Variants in FRRS1 observed in about 807,000 individuals in gnomAD.
FRRS1 encodes the protein ferric reductase 1.
Under a neutral mutation model 70.7 loss-of-function variants are expected in FRRS1, and 51 were observed. The observed-to-expected ratio is 0.72, with a 90% CI of 0.58 to 0.91. The LOEUF is 0.91. FRRS1 is among the 40% of genes least tolerant of loss of function. FRRS1 has a pLI of 0.00. For synonymous variants in FRRS1, 225 were observed against 238.7 expected, an observed-to-expected ratio of 0.94 and a Z score of 0.53; for missense variants, 672 against 726.0, an observed-to-expected ratio of 0.93 and a Z score of 0.86.
chr1:99,725,747 T>C (rs1330432306), intron 9 of FRRS1, among the ~76,000 whole-genome samples: 2 of 152,184 alleles, frequency 1.3e-5, no homozygotes, highest in Non-Finnish European at 2.9e-5. Flanking sequence ...GTTAGAACTA[T>C]CACTTAAAAG....
At chr1:99,731,768 C>T (rs982249145) in intron 7 of FRRS1, among the ~76,000 whole-genome samples, 4 of 152,190 alleles carry the variant, frequency 2.6e-5, no homozygotes, top group African/African-American at 4.8e-5. Flanking sequence ...ATATTGCCCA[C>T]GAACTCTAAA....
chr1:99,747,418 C>T lies in FRRS1; in HGVS notation c.209G>A (p.Gly70Glu), dbSNP rs1051912429. The T allele has an allele frequency of 1.2e-6, 2 of 1,609,372 alleles. No individual in the cohort carries two copies. Among genetic ancestry groups the T allele is most frequent in the Non-Finnish European group, 1.7e-6 (2 of 1,178,752 alleles). ...PGDQIEVTLS[G>E]HPFKGFLLEA... ...TAGGAGAAAGCCTTTAAATGGATGCCCTGACAAAGTAACTGAGAAAAAGAC... is the reference window on the plus strand; with the variant it reads ...TAGGAGAAAGCCTTTAAATGGATGCTCTGACAAAGTAACTGAGAAAAAGAC... Residue 70 changes from glycine to glutamate, a missense_variant, in exon 4 of 17, where the codon GGG (glycine) becomes GAG (glutamate). Transcript: ENST00000646001.
At chr1:99,749,245 C>G (rs1656453184) in intron 1 of FRRS1, among the ~76,000 whole-genome samples, 1 of 152,092 alleles carries the variant, frequency 6.6e-6, no homozygotes, top group Admixed American at 6.5e-5. Context: ...AGGCTGGTCT[C>G]GAACTCCTGA....
At position 99,751,948 on chromosome 1, in the gene FRRS1, A is replaced by T. The variant is rs187579312; in HGVS notation, c.-105-2947T>A. ...TATGTTTATATATGCTTACTTTCGT[A>T]TGCTTCTATATCAGCAAAATAAATG... On this transcript the variant is annotated intron_variant, in intron 1 of 16. Transcript: ENST00000646001. Among the ~76,000 whole-genome samples the T allele has an allele frequency of 1.6e-3, 241 of 152,332 alleles. 1 individual carries two copies. Among genetic ancestry groups the T allele is most frequent in the African/African-American group, 5.6e-3 (234 of 41,576 alleles).
In FRRS1 at chr1:99,719,581, GGA is replaced by G; in HGVS notation, c.1071_1072del (p.Pro358LysfsTer28). On this transcript the variant is annotated frameshift_variant, in exon 10 of 17. Transcript: ENST00000646001. LOFTEE classifies it high-confidence loss of function. ...AGAATGGGATCCTCCTATGTTCTTT[GGA>G]GAGTCTGTCACATCATATTTTTCAT... The G allele has an allele frequency of 1.2e-6, 2 of 1,611,260 alleles. No individual in the cohort carries two copies. Among genetic ancestry groups the G allele is most frequent in the African/African-American group, 2.7e-5 (2 of 74,952 alleles).
chr1:99,715,966 G>A (rs1654504450), intron 11 of FRRS1, among the ~76,000 whole-genome samples: 1 of 152,170 alleles, frequency 6.6e-6, no homozygotes, highest in Non-Finnish European at 1.5e-5. Flanking sequence ...ATATTTACTT[G>A]CCAAGTCCTT....
At chr1:99,736,049 A>G (rs1655641639) in intron 7 of FRRS1, among the ~76,000 whole-genome samples, 1 of 152,142 alleles carries the variant, frequency 6.6e-6, no homozygotes, top group Non-Finnish European at 1.5e-5. Flanking sequence ...TTTTGGACTC[A>G]TTTTCAGAAT....
At position 99,709,402 on chromosome 1, in the gene FRRS1, C is replaced by T; in HGVS notation, c.1625-143G>A. 4 of 628,300 alleles carry T rather than the reference C, an allele frequency of 6.4e-6. No individual in the cohort carries two copies. The South Asian group carries it at 8.4e-5, about 13-fold the overall frequency. The allele number at this position is 628,300 out of a possible 1,614,324, so 38.9% of individuals were successfully genotyped here. A position where few individuals can be genotyped will look rare whatever the true frequency, so the allele number is the denominator to read the frequency against. Reference sequence around the variant, plus strand: ...CCAAACTACTAATTATTGCAGACTTCCTGAACAATTAAGCCTCTCACAAAT... The same window carrying T: ...CCAAACTACTAATTATTGCAGACTTTCTGAACAATTAAGCCTCTCACAAAT... On this transcript the variant is annotated intron_variant, in intron 15 of 16. Transcript: ENST00000646001.
In FRRS1 at chr1:99,708,994, C is replaced by A; in HGVS notation, c.*34G>T. Reference sequence around the variant, plus strand: ...GTTTCTTTGGTTTGATGATAATTATCACTTGGCCTGCAAAAGCCAAGGTCT... The same window carrying A: ...GTTTCTTTGGTTTGATGATAATTATAACTTGGCCTGCAAAAGCCAAGGTCT... On this transcript the variant is annotated 3_prime_UTR_variant, in exon 17 of 17. Coordinates refer to ENST00000646001, the MANE Select transcript of FRRS1 (RefSeq NM_001361041.2). The A allele has an allele frequency of 6.2e-7, 1 of 1,613,982 alleles. No homozygotes were observed.
chr1:99,738,286 G>GA lies in FRRS1; in HGVS notation c.577-19dup, dbSNP rs575879765. 9.2e-4 allele frequency: 1,406 copies of GA among 1,522,058 alleles called. 3 individuals are homozygous for GA. The African/African-American group carries it at 0.01, about 11-fold the overall frequency. The allele number at this position is 1,522,058 out of a possible 1,614,324, so 94.3% of individuals were successfully genotyped here. A position where few individuals can be genotyped will look rare whatever the true frequency, so the allele number is the denominator to read the frequency against. The stretch of plus-strand genomic sequence containing the variant: ...GCACTGAACTAGAAAAATGACAGAG[G>GA]AAAAAAAAATCTTAATTATCAAACA... On this transcript the variant is annotated intron_variant, in intron 6 of 16. Coordinates refer to ENST00000646001, the MANE Select transcript of FRRS1 (RefSeq NM_001361041.2).
intron 12 of FRRS1, among the ~76,000 whole-genome samples, chr1:99,715,110 G>T (rs899278832): frequency 1.3e-5 from 2 of 152,104 alleles, no homozygotes; most frequent in East Asian, 3.8e-4. Flanking sequence ...TCCCGCCTCA[G>T]CCTCCCAAAG....
intron 1 of FRRS1, among the ~76,000 whole-genome samples, chr1:99,764,492 T>C (rs924515054): frequency 2.0e-5 from 3 of 152,234 alleles, no homozygotes; most frequent in African/African-American, 4.8e-5. Context: ...ATTTTCTTTT[T>C]TCTATTTTCA....
intron 1 of FRRS1, among the ~76,000 whole-genome samples, chr1:99,764,482 A>T (rs1172983): frequency 0.5 from 75,407 of 151,894 alleles, 22,694 homozygotes; most frequent in African/African-American, 0.85. Context: ...GTGGTTAGAT[A>T]TTTTCTTTTT....
intron 3 of FRRS1, 117 bp from the exon 4 acceptor site, chr1:99,747,547 A>G: frequency 1.1e-6 from 1 of 947,252 alleles, no homozygotes; most frequent in Non-Finnish European, 1.6e-6. Flanking sequence ...TCCTGGAGAG[A>G]AAACAGTCAT....
At chr1:99,745,795 G>A (rs1287721708) in intron 4 of FRRS1, among the ~76,000 whole-genome samples, 1 of 152,190 alleles carries the variant, frequency 6.6e-6, no homozygotes, top group East Asian at 1.9e-4. Context: ...GGTGGGAGGT[G>A]TTTGTGTCAG....
At chr1:99,733,249 A>C (rs139610143) in intron 7 of FRRS1, among the ~76,000 whole-genome samples, 1 of 152,332 alleles carries the variant, frequency 6.6e-6, no homozygotes, top group East Asian at 1.9e-4. Flanking sequence ...ATGGCGGGTT[A>C]CTACAGCAGT....
intron 1 of FRRS1, among the ~76,000 whole-genome samples, chr1:99,752,116 T>A (rs571206822): frequency 2.0e-5 from 3 of 152,190 alleles, no homozygotes; most frequent in Non-Finnish European, 4.4e-5. Flanking sequence ...TGGTTTGATC[T>A]TCTATCCAGA....
intron 14 of FRRS1, chr1:99,711,286 C>T (rs1219963695): frequency 8.7e-6 from 2 of 228,724 alleles, no homozygotes; most frequent in African/African-American, 2.3e-5. Flanking sequence ...TCCGCCCTCT[C>T]CTCTTTTGGA....
rs113370777 is a variant in FRRS1, at chr1:99,747,594, A to AT, written c.197-165dup. The AT allele has an allele frequency of 1.0e-3, 640 of 642,088 alleles. 1 individual carries two copies. Among genetic ancestry groups the AT allele is most frequent in the Non-Finnish European group, 1.5e-3 (577 of 386,308 alleles). The allele number at this position is 642,088 out of a possible 1,614,324, so 39.8% of individuals were successfully genotyped here. On this transcript the variant is annotated intron_variant, in intron 3 of 16. Coordinates refer to ENST00000646001, the MANE Select transcript of FRRS1 (RefSeq NM_001361041.2). ...AGAAGCTCTAAACTTTTTCCATAAA[A>AT]TTTTTTCCAGTGTTCCATAAGATAT... is the stretch of plus-strand genomic sequence containing the variant.
Sources: allele counts gnomAD v4.1 joint callset (sites outside exome capture counted in the v4.1 genomes callset), GRCh38; gene constraint gnomAD v4.1.1; transcripts MANE v1.5; gene names NCBI Gene and HGNC (gene_info 2026-07-23, HGNC 2026-07-21).